Variants in MAF observed in about 807,000 individuals in gnomAD.
MAF encodes the protein transcription factor Maf.
A neutral mutation model predicts 22.0 loss-of-function variants in MAF; 10 were observed. That is an observed-to-expected ratio of 0.45 (90% CI 0.28 to 0.77). MAF has a LOEUF of 0.77. Among genes scored for constraint, MAF ranks in the 30% least tolerant of loss-of-function variants. The pLI is 0.12. For missense variants in MAF, 544 were observed against 548.4 expected (o/e 0.99, Z 0.08); for synonymous variants, 337 against 255.8 (o/e 1.32, Z -3.03).
chr16:79,440,513 A>C, the MAF span, among the ~76,000 whole-genome samples: 1 of 152,020 alleles, frequency 6.6e-6, no homozygotes, highest in Non-Finnish European at 1.5e-5. Context: ...TTGGCTCATT[A>C]CAACCTCTGC....
the MAF span, among the ~76,000 whole-genome samples, chr16:79,207,706 G>A: frequency 6.6e-6 from 1 of 152,082 alleles, no homozygotes; most frequent in Non-Finnish European, 1.5e-5. Flanking sequence ...AAACCTGAAA[G>A]CAAAACACGG....
At chr16:79,218,554 T>C in the MAF span, among the ~76,000 whole-genome samples, 375 of 152,356 alleles carry the variant, frequency 2.5e-3, 2 homozygotes, top group Non-Finnish European at 4.6e-3. Context: ...AGAACCAGCA[T>C]ATTACTGTTT....
chr16:79,313,957 A>C, the MAF span, among the ~76,000 whole-genome samples: 2 of 152,200 alleles, frequency 1.3e-5, no homozygotes, highest in Admixed American at 1.3e-4. Context: ...GCGATGATTA[A>C]ATAACTAAGA....
At chr16:79,361,505 C>A in the MAF span, among the ~76,000 whole-genome samples, 25 of 152,264 alleles carry the variant, frequency 1.6e-4, no homozygotes, top group African/African-American at 6.0e-4. Context: ...GCACTTTCCC[C>A]CGGATTGAAT....
At chr16:79,460,494 A>G in the MAF span, among the ~76,000 whole-genome samples, 1 of 152,214 alleles carries the variant, frequency 6.6e-6, no homozygotes, top group Non-Finnish European at 1.5e-5. Flanking sequence ...TTCCTGCAAC[A>G]TTATGATATT....
At chr16:79,540,065 T>C in the MAF span, among the ~76,000 whole-genome samples, 9,775 of 152,002 alleles carry the variant, frequency 0.064, 424 homozygotes, top group Admixed American at 0.11. Flanking sequence ...CTGTCCCTGC[T>C]AAGGGGAAGA....
chr16:79,458,446 T>G, the MAF span, among the ~76,000 whole-genome samples: 75 of 152,320 alleles, frequency 4.9e-4, no homozygotes, highest in African/African-American at 1.7e-3. Flanking sequence ...GTCATTTTTA[T>G]ATGTTTGATT....
downstream of MAF, among the ~76,000 whole-genome samples, chr16:79,584,596 C>T (rs867225730): frequency 1.3e-5 from 2 of 152,142 alleles, no homozygotes; most frequent in Non-Finnish European, 2.9e-5. Context: ...TTCAATGTCA[C>T]GAAACCTGCC....
chr16:79,473,250 T>C, the MAF span, among the ~76,000 whole-genome samples: 1 of 152,138 alleles, frequency 6.6e-6, no homozygotes, highest in African/African-American at 2.4e-5. Context: ...AGGTCCCAGA[T>C]GTCTGCATGC....
the MAF span, among the ~76,000 whole-genome samples, chr16:79,569,360 C>T: frequency 6.6e-6 from 1 of 152,100 alleles, no homozygotes. Flanking sequence ...CAGTTGAGAC[C>T]CATTGCTTTA....
chr16:79,569,950 G>A, the MAF span, among the ~76,000 whole-genome samples: 1 of 151,726 alleles, frequency 6.6e-6, no homozygotes, highest in Non-Finnish European at 1.5e-5. Context: ...AGACCAGGTG[G>A]TGGGATCCTT....
chr16:79,243,875 A>G, the MAF span, among the ~76,000 whole-genome samples: 2 of 152,082 alleles, frequency 1.3e-5, no homozygotes, highest in Non-Finnish European at 2.9e-5. Flanking sequence ...ACCACGATCA[A>G]GTCAGCTTTA....
the MAF span, among the ~76,000 whole-genome samples, chr16:79,406,628 C>A: frequency 6.6e-6 from 1 of 152,154 alleles, no homozygotes; most frequent in East Asian, 1.9e-4. Flanking sequence ...CCTCCAAATA[C>A]CATCACATTG....
the MAF span, among the ~76,000 whole-genome samples, chr16:79,482,707 A>G: frequency 6.6e-6 from 1 of 151,964 alleles, no homozygotes; most frequent in Non-Finnish European, 1.5e-5. Context: ...GGAGGTAATC[A>G]CCAGTCTCCC....
chr16:79,375,078 A>T, the MAF span, among the ~76,000 whole-genome samples: 16 of 152,210 alleles, frequency 1.1e-4, no homozygotes, highest in African/African-American at 3.6e-4. Context: ...CTTGGTGATC[A>T]TTTGTAGAAT....
At chr16:79,518,349 T>C in the MAF span, among the ~76,000 whole-genome samples, 1 of 152,220 alleles carries the variant, frequency 6.6e-6, no homozygotes, top group Non-Finnish European at 1.5e-5. Context: ...TCTCTGGGCA[T>C]CTCAACAGTG....
At chr16:79,338,637 GA>G in the MAF span, among the ~76,000 whole-genome samples, 1 of 152,088 alleles carries the variant, frequency 6.6e-6, no homozygotes, top group South Asian at 2.1e-4. Flanking sequence ...ATAAACAAAA[GA>G]GTTGAGGAAG....
At chr16:79,330,350 C>T in the MAF span, among the ~76,000 whole-genome samples, 3 of 152,176 alleles carry the variant, frequency 2.0e-5, no homozygotes. Flanking sequence ...TTTGGAGATG[C>T]CAGGAAAGGC....
downstream of MAF, among the ~76,000 whole-genome samples, chr16:79,591,645 T>C (rs569697024): frequency 7.9e-5 from 12 of 152,288 alleles, no homozygotes; most frequent in African/African-American, 2.9e-4. Context: ...CTGATGAAAA[T>C]TCATAGAAAG....
Sources: gnomAD v4.1 joint callset for allele counts (sites outside exome capture counted in the v4.1 genomes callset) on GRCh38, gnomAD v4.1.1 for gene constraint, MANE v1.5 for transcripts, NCBI Gene and HGNC (gene_info 2026-07-23, HGNC 2026-07-21) for gene names.